Variants in BBOX1 observed in about 807,000 individuals in gnomAD.
BBOX1 encodes the protein gamma-butyrobetaine dioxygenase.
In BBOX1, 35 loss-of-function variants were observed where a neutral mutation model predicts 41.6. The observed-to-expected ratio is 0.84, with a 90% CI of 0.64 to 1.11. The LOEUF (loss-of-function observed/expected upper bound fraction) is 1.11. Ranked by LOEUF, BBOX1 falls within the 50% of genes most tolerant of loss-of-function variation. BBOX1 has a pLI of 0.00. For synonymous variants in BBOX1, 163 were observed against 154.7 expected, an observed-to-expected ratio of 1.05 and a Z score of -0.40; for missense variants, 458 against 460.6, an observed-to-expected ratio of 0.99 and a Z score of 0.05.
chr11:27,050,426 G>A (rs144400148), intron 2 of BBOX1, among the ~76,000 whole-genome samples: 177 of 152,192 alleles, frequency 1.2e-3, no homozygotes, highest in African/African-American at 4.1e-3. Context: ...CACTGAATCT[G>A]TAGATGACTT....
At chr11:27,082,164 G>A (rs531445870) in intron 4 of BBOX1, among the ~76,000 whole-genome samples, 1 of 152,190 alleles carries the variant, frequency 6.6e-6, no homozygotes, top group East Asian at 1.9e-4. Flanking sequence ...TCACCTCCCA[G>A]CAGGCCCCAC....
In BBOX1 at chr11:27,043,903, T is replaced by C. The variant is rs562467388; in HGVS notation, c.-39+2425T>C. ...ATTGTGAACAGTGCTGTAATAAACA[T>C]ACATGTGCACGTGTCTTTATAGTAG... On this transcript the variant is annotated intron_variant, in intron 2 of 8. Transcript: ENST00000263182. Among the ~76,000 whole-genome samples, 6 of 152,332 alleles carry C rather than the reference T, an allele frequency of 3.9e-5. No individual in the cohort carries two copies. In the East Asian group the frequency reaches 1.2e-3, roughly 29 times the overall value.
At chr11:27,049,645 C>T (rs978601874) in intron 2 of BBOX1, among the ~76,000 whole-genome samples, 1 of 151,864 alleles carries the variant, frequency 6.6e-6, no homozygotes, top group Non-Finnish European at 1.5e-5. Context: ...ATGTATGGGC[C>T]CTGCTGTGGC....
chr11:27,115,148 C>G (rs781546171), intron 5 of BBOX1, among the ~76,000 whole-genome samples: 2 of 151,864 alleles, frequency 1.3e-5, no homozygotes, highest in Non-Finnish European at 2.9e-5. Context: ...CAATAAATCA[C>G]TTTTTAAAAT....
At chr11:27,057,108 C>T in intron 3 of BBOX1, 93 bp from the exon 4 acceptor site, 1 of 502,618 alleles carries the variant, frequency 2.0e-6, no homozygotes, top group East Asian at 4.5e-5. Context: ...TAATTGGATT[C>T]CCTGATTATC....
intron 6 of BBOX1, among the ~76,000 whole-genome samples, chr11:27,119,374 C>G (rs1027942977): frequency 1.3e-5 from 2 of 151,906 alleles, no homozygotes; most frequent in Non-Finnish European, 2.9e-5. Context: ...CATTATCATG[C>G]CTGCATCTAT....
At chr11:27,107,936 G>A (rs1858926059) in intron 5 of BBOX1, among the ~76,000 whole-genome samples, 1 of 152,114 alleles carries the variant, frequency 6.6e-6, no homozygotes, top group Non-Finnish European at 1.5e-5. Flanking sequence ...TGACAAGGTA[G>A]AAAGGTAAAG....
At chr11:27,075,207 G>A (rs1857594798) in intron 4 of BBOX1, among the ~76,000 whole-genome samples, 1 of 151,992 alleles carries the variant, frequency 6.6e-6, no homozygotes, top group South Asian at 2.1e-4. Flanking sequence ...TTCAGCTCTT[G>A]GTGCTTTCAG....
intron 4 of BBOX1, among the ~76,000 whole-genome samples, chr11:27,081,900 G>A (rs1475146213): frequency 3.3e-5 from 5 of 152,132 alleles, no homozygotes; most frequent in Admixed American, 6.6e-5. Context: ...TTTTGATGGG[G>A]TTGTTTGTTT....
At chr11:27,106,892 C>G (rs909360361) in intron 5 of BBOX1, among the ~76,000 whole-genome samples, 2 of 152,162 alleles carry the variant, frequency 1.3e-5, no homozygotes, top group Non-Finnish European at 2.9e-5. Flanking sequence ...AACTGTCTCT[C>G]AGACCACAGT....
At chr11:27,125,427 T>C (rs1859616859) in intron 7 of BBOX1, among the ~76,000 whole-genome samples, 1 of 152,104 alleles carries the variant, frequency 6.6e-6, no homozygotes, top group African/African-American at 2.4e-5. Flanking sequence ...TTAATTTAAG[T>C]TGAGTTCTCC....
intron 2 of BBOX1, chr11:27,046,297 A>C (rs993172421): frequency 3.3e-5 from 5 of 152,152 alleles, no homozygotes; most frequent in Non-Finnish European, 7.4e-5. Flanking sequence ...AAGAAAAAAA[A>C]GGAGAAAACC....
At chr11:27,114,562 G>A (rs568773290) in intron 5 of BBOX1, among the ~76,000 whole-genome samples, 12 of 151,890 alleles carry the variant, frequency 7.9e-5, no homozygotes, top group African/African-American at 2.7e-4. Context: ...TAGATCAATG[G>A]AATAGAATTT....
At chr11:27,105,562 T>C (rs1455271715) in intron 5 of BBOX1, among the ~76,000 whole-genome samples, 1 of 151,922 alleles carries the variant, frequency 6.6e-6, no homozygotes, top group Non-Finnish European at 1.5e-5. Context: ...AAAAAGAAAC[T>C]ATCAAAGCCT....
chr11:27,115,788 A>C (rs1859238856), intron 6 of BBOX1, among the ~76,000 whole-genome samples: 1 of 151,862 alleles, frequency 6.6e-6, no homozygotes, highest in African/African-American at 2.4e-5. Context: ...CAACAAAAAC[A>C]TTTCTTTGTT....
At chr11:27,081,762 A>G (rs1857845208) in intron 4 of BBOX1, among the ~76,000 whole-genome samples, 1 of 152,088 alleles carries the variant, frequency 6.6e-6, no homozygotes, top group South Asian at 2.1e-4. Context: ...CTGGCGTGAG[A>G]TAGTATTTCA....
chr11:27,125,931 AC>A (rs1859634935), intron 8 of BBOX1, 111 bp downstream of exon 8: 1 of 1,163,090 alleles, frequency 8.6e-7, no homozygotes, highest in Admixed American at 2.6e-5. Flanking sequence ...TAGAACACCA[AC>A]AACAGAATCT....
intron 4 of BBOX1, among the ~76,000 whole-genome samples, chr11:27,085,038 T>C (rs764871250): frequency 6.6e-6 from 1 of 152,178 alleles, no homozygotes; most frequent in African/African-American, 2.4e-5. Flanking sequence ...TGATTTACTC[T>C]AGTCAAATGT....
chr11:27,075,144 C>G (rs1857591619), intron 4 of BBOX1, among the ~76,000 whole-genome samples: 1 of 151,962 alleles, frequency 6.6e-6, no homozygotes, highest in Admixed American at 6.6e-5. Flanking sequence ...TGTTTTATTT[C>G]TTTTTTCCCC....
Sources: allele counts gnomAD v4.1 joint callset (sites outside exome capture counted in the v4.1 genomes callset), GRCh38; gene constraint gnomAD v4.1.1; transcripts MANE v1.5; gene names NCBI Gene and HGNC (gene_info 2026-07-23, HGNC 2026-07-21).